FBXL3: variants seen among roughly 807,000 people sequenced by gnomAD.
FBXL3 encodes F-box/LRR-repeat protein 3.
Under a neutral mutation model 37.9 loss-of-function variants are expected in FBXL3, and 14 were observed. That is an observed-to-expected ratio of 0.37 (90% CI 0.24 to 0.58). FBXL3 has a LOEUF of 0.58. Ranked by LOEUF, FBXL3 falls within the 20% of genes least tolerant of loss-of-function variation. FBXL3 has a pLI of 0.74. For synonymous variants in FBXL3, 194 were observed against 180.1 expected, an observed-to-expected ratio of 1.08 and a Z score of -0.62; for missense variants, 327 against 511.1, an observed-to-expected ratio of 0.64 and a Z score of 3.47.
intron 1 of FBXL3, 91 bp downstream of exon 1, chr13:77,026,736 C>G (rs1249959646): frequency 6.9e-6 from 1 of 144,054 alleles, no homozygotes; most frequent in African/African-American, 2.5e-5. Context: ...CCCCCCCACC[C>G]CACCCCACCC....
At chr13:77,012,772 A>C (rs1268441901) in intron 4 of FBXL3, 1 of 152,168 alleles carries the variant, frequency 6.6e-6, no homozygotes, top group African/African-American at 2.4e-5. Flanking sequence ...AGAAAGTATT[A>C]CAAGTGTTCT....
Position 77,016,767 on chromosome 13 carries a change from C to G in FBXL3, c.472-1187G>C, listed in dbSNP as rs531315546. 9.2e-5 allele frequency: 14 copies of G among 152,290 alleles called. No individual in the cohort carries two copies. The South Asian group carries it at 2.8e-3, about 30-fold the overall frequency. The allele number at this position is 152,290 out of a possible 1,614,324, so 9.4% of individuals were successfully genotyped here. On this transcript the variant is annotated intron_variant, in intron 3 of 4. Coordinates refer to ENST00000355619, the MANE Select transcript of FBXL3 (RefSeq NM_012158.4). ...GCTGATCTTGAACTCCTGGCCACAA[C>G]AGAACCTCCTGCCTCGGCTTCCCAA... is the stretch of plus-strand genomic sequence containing the variant.
At chr13:77,021,326 AAT>A (rs1212782350) in intron 2 of FBXL3, among the ~76,000 whole-genome samples, 185 bp downstream of exon 2, 8 of 152,226 alleles carry the variant, frequency 5.3e-5, no homozygotes, top group African/African-American at 1.9e-4. Flanking sequence ...ATTAATAATT[AAT>A]AGAGTAATTT....
At chr13:77,021,315 TATTAATA>T (rs1475361678) in intron 2 of FBXL3, among the ~76,000 whole-genome samples, 191 bp downstream of exon 2, 1 of 152,190 alleles carries the variant, frequency 6.6e-6, no homozygotes, top group Non-Finnish European at 1.5e-5. Flanking sequence ...TTTAAGAAAT[TATTAATA>T]ATTAATAGAG....
At chr13:77,021,917 C>T in intron 1 of FBXL3, 56 bp from the exon 2 acceptor site, 3 of 1,375,620 alleles carry the variant, frequency 2.2e-6, no homozygotes, top group South Asian at 1.4e-5. Context: ...TAGAAATAAA[C>T]TCAAAATTCA....
At position 77,006,878 on chromosome 13, in the gene FBXL3, T is replaced by A; in HGVS notation, c.*267A>T. 2 of 1,234,822 alleles carry A rather than the reference T, an allele frequency of 1.6e-6. No homozygotes were observed. Among genetic ancestry groups the A allele is most frequent in the Non-Finnish European group, 2.0e-6 (2 of 985,462 alleles). 76.5% of individuals were successfully genotyped at this position (1,234,822 alleles called of 1,614,324 possible). ...GTTTTGTTTCCTTTAGACTGTAAAC[T>A]GTTTAATACGTATAACTGGTTATTT... is the stretch of plus-strand genomic sequence containing the variant. On this transcript the variant is annotated 3_prime_UTR_variant, in exon 5 of 5. Coordinates refer to ENST00000355619, the MANE Select transcript of FBXL3 (RefSeq NM_012158.4).
In FBXL3 at chr13:77,021,481, T is replaced by TTA. The variant is rs540878506; in HGVS notation, c.348+30_348+31dup. ...AGGAAACAAAGCCACTAAAAATACTTTATTTTTTAAAAGAAGGATTTAAAA... is the reference window on the plus strand; with the variant it reads ...AGGAAACAAAGCCACTAAAAATACTTTATATTTTTTAAAAGAAGGATTTAAAA... On this transcript the variant is annotated intron_variant, in intron 2 of 4. Coordinates refer to ENST00000355619, the MANE Select transcript of FBXL3 (RefSeq NM_012158.4). The TTA allele has an allele frequency of 2.5e-4, 385 of 1,515,844 alleles. 3 individuals are homozygous for TTA. In the African/African-American group the frequency reaches 4.6e-3, roughly 18 times the overall value. The allele number at this position is 1,515,844 out of a possible 1,614,324, so 93.9% of individuals were successfully genotyped here.
At chr13:77,025,146 C>A (rs963251246) in intron 1 of FBXL3, among the ~76,000 whole-genome samples, 2 of 152,172 alleles carry the variant, frequency 1.3e-5, no homozygotes, top group Admixed American at 1.3e-4. Context: ...AAAGTGAAAA[C>A]ACCTCCTATA....
intron 4 of FBXL3, chr13:77,013,962 T>C (rs987322342): frequency 2.0e-5 from 3 of 152,168 alleles, no homozygotes; most frequent in African/African-American, 7.2e-5. Flanking sequence ...CACAGTTTTA[T>C]AGAGAAATCA....
chr13:77,006,961 A>G lies in FBXL3; in HGVS notation c.*184T>C. On this transcript the variant is annotated 3_prime_UTR_variant, in exon 5 of 5. Coordinates refer to ENST00000355619, the MANE Select transcript of FBXL3 (RefSeq NM_012158.4). ...ATATGACTGCTATTACACTAAGGAAACAAGTGGAATTTTCTGACCAAAACT... is the reference window on the plus strand; with the variant it reads ...ATATGACTGCTATTACACTAAGGAAGCAAGTGGAATTTTCTGACCAAAACT... The G allele has an allele frequency of 6.4e-6, 9 of 1,408,898 alleles. No individual in the cohort carries two copies. Among genetic ancestry groups the G allele is most frequent in the Non-Finnish European group, 8.3e-6 (9 of 1,086,516 alleles). The allele number at this position is 1,408,898 out of a possible 1,614,324, so 87.3% of individuals were successfully genotyped here.
At position 77,006,920 on chromosome 13, in the gene FBXL3, T is replaced by C. The variant is rs2034461110; in HGVS notation, c.*225A>G. 1 of 1,357,490 alleles carries C rather than the reference T, an allele frequency of 7.4e-7. No individual in the cohort carries two copies. Among genetic ancestry groups the C allele is most frequent in the African/African-American group, 1.5e-5 (1 of 68,536 alleles). 84.1% of individuals were successfully genotyped at this position (1,357,490 alleles called of 1,614,324 possible). ...TGGTTATTTCACATCCGAACCACATTAAAAAAAATTCGGAGATATGACTGC... is the reference window on the plus strand; with the variant it reads ...TGGTTATTTCACATCCGAACCACATCAAAAAAAATTCGGAGATATGACTGC... On this transcript the variant is annotated 3_prime_UTR_variant, in exon 5 of 5. Transcript: ENST00000355619.
At position 77,005,464 on chromosome 13, in the gene FBXL3, A is replaced by C. The variant is rs1045377509; in HGVS notation, c.*1681T>G. On this transcript the variant is annotated 3_prime_UTR_variant, in exon 5 of 5. Coordinates refer to ENST00000355619, the MANE Select transcript of FBXL3 (RefSeq NM_012158.4). Reference sequence around the variant, plus strand: ...ATGTACTGTCAAATCCATTTTTCCAAAGTTGTTCAAGGAAAAACAACAACT... The same window carrying C: ...ATGTACTGTCAAATCCATTTTTCCACAGTTGTTCAAGGAAAAACAACAACT... 2.0e-5 allele frequency: 3 copies of C among 152,608 alleles called. No individual in the cohort carries two copies. The highest frequency in any genetic ancestry group is 4.1e-4 in the South Asian group (2 of 4,834). 9.5% of individuals were successfully genotyped at this position (152,608 alleles called of 1,614,324 possible).
rs375377756 is a variant in FBXL3, at chr13:77,022,266, T to G, written c.-1-405A>C. Among the ~76,000 whole-genome samples, 28 of 152,204 alleles carry G rather than the reference T, an allele frequency of 1.8e-4. 1 individual carries two copies. The highest frequency in any genetic ancestry group is 1.5e-3 in the East Asian group (8 of 5,198). On this transcript the variant is annotated intron_variant, in intron 1 of 4. Transcript: ENST00000355619. ...AAAGTCATCTAAGGATATTTGTTCTTGAATTCCAGGCCAACCAGGGTCCCA... is the reference window on the plus strand; with the variant it reads ...AAAGTCATCTAAGGATATTTGTTCTGGAATTCCAGGCCAACCAGGGTCCCA...
chr13:77,015,659 T>G, intron 3 of FBXL3, 79 bp from the exon 4 acceptor site: 1 of 904,846 alleles, frequency 1.1e-6, no homozygotes, highest in Non-Finnish European at 1.6e-6. Flanking sequence ...GTACTACAGT[T>G]TATCTGAACC....
In FBXL3 at chr13:77,015,594, AAAAT is replaced by A; in HGVS notation, c.472-18_472-15del. 1 of 1,464,358 alleles carries A rather than the reference AAAAT, an allele frequency of 6.8e-7. No individual in the cohort carries two copies. The highest frequency in any genetic ancestry group is 1.5e-5 in the African/African-American group (1 of 68,756). The allele number at this position is 1,464,358 out of a possible 1,614,324, so 90.7% of individuals were successfully genotyped here. The stretch of plus-strand genomic sequence containing the variant: ...GATAAAGTGAGACTGAAAAGCAAAA[AAAAT>A]AAAATAAAAATTATTTCAATTTTTA... On this transcript the variant is annotated splice_polypyrimidine_tract_variant and intron_variant, in intron 3 of 4. Transcript: ENST00000355619.
intron 2 of FBXL3, among the ~76,000 whole-genome samples, chr13:77,020,616 T>TTTC (rs2034726020): frequency 6.6e-6 from 1 of 151,822 alleles, no homozygotes; most frequent in South Asian, 2.1e-4. Context: ...TTTTTTTTTT[T>TTTC]CAATAAGTTA....
In FBXL3 at chr13:77,021,811, G is replaced by T; in HGVS notation, c.50C>A (p.Thr17Asn). ...DSDRNSSEEG[T>N]AEKSKKLRTT... is the part of the protein sequence containing the mutation. ...CCTCAGTTTCTTGGATTTCTCTGCA[G>T]TTCCTTCTTCTGATGAATTACGGTC... Residue 17 changes from threonine to asparagine, a missense_variant, in exon 2 of 5, where the codon ACT becomes AAT. Coordinates refer to ENST00000355619, the MANE Select transcript of FBXL3 (RefSeq NM_012158.4). 1 of 1,613,624 alleles carries T rather than the reference G, an allele frequency of 6.2e-7. No homozygotes were observed. The highest frequency in any genetic ancestry group is 1.1e-5 in the South Asian group (1 of 91,080).
At position 77,006,868 on chromosome 13, in the gene FBXL3, G is replaced by T; in HGVS notation, c.*277C>A. 1 of 1,199,498 alleles carries T rather than the reference G, an allele frequency of 8.3e-7. No homozygotes were observed. The highest frequency in any genetic ancestry group is 2.8e-5 in the South Asian group (1 of 35,496). 74.3% of individuals were successfully genotyped at this position (1,199,498 alleles called of 1,614,324 possible). A position where few individuals can be genotyped will look rare whatever the true frequency, so the allele number is the denominator to read the frequency against. ...TAACATATAGGTTTTGTTTCCTTTA[G>T]ACTGTAAACTGTTTAATACGTATAA... is the stretch of plus-strand genomic sequence containing the variant. On this transcript the variant is annotated 3_prime_UTR_variant, in exon 5 of 5. Coordinates refer to ENST00000355619, the MANE Select transcript of FBXL3 (RefSeq NM_012158.4).
intron 2 of FBXL3, among the ~76,000 whole-genome samples, chr13:77,019,376 T>A (rs1038211600): frequency 4.6e-5 from 7 of 152,086 alleles, no homozygotes; most frequent in Non-Finnish European, 7.4e-5. Context: ...TAAAAAGGAG[T>A]TCATCCATCA....
Sources: gnomAD v4.1 joint callset for allele counts (sites outside exome capture counted in the v4.1 genomes callset) on GRCh38, gnomAD v4.1.1 for gene constraint, MANE v1.5 for transcripts, NCBI Gene and HGNC (gene_info 2026-07-23, HGNC 2026-07-21) for gene names.